The following MYO18A variants were observed in gnomAD, a reference collection of about 807,000 sequenced individuals.
MYO18A encodes the protein unconventional myosin-XVIIIa.
A neutral mutation model predicts 235.8 loss-of-function variants in MYO18A; 78 were observed. The observed-to-expected ratio is 0.33, with a 90% CI of 0.28 to 0.40. MYO18A has a LOEUF of 0.40. Among genes scored for constraint, MYO18A ranks in the 10% least tolerant of loss-of-function variants. MYO18A has a pLI of 1.00. For missense variants in MYO18A, 2,215 were observed against 2,699.3 expected, an observed-to-expected ratio of 0.82 and a Z score of 3.98; for synonymous variants, 977 against 1,077.8, an observed-to-expected ratio of 0.91 and a Z score of 1.83.
chr17:29,114,222 C>T (rs752202807), intron 14 of MYO18A, 125 bp from the exon 15 acceptor site: 1 of 674,376 alleles, frequency 1.5e-6, no homozygotes, highest in Non-Finnish European at 2.6e-6. Context: ...TGCAGGAGCT[C>T]CCTCCATCAT....
At chr17:29,087,630 T>A (rs768945398) in intron 37 of MYO18A, among the ~76,000 whole-genome samples, 10 of 152,120 alleles carry the variant, frequency 6.6e-5, no homozygotes, top group Non-Finnish European at 1.2e-4. Context: ...ATGAATCTCC[T>A]GCCAGGCAGT....
At chr17:29,119,539 G>A (rs2067148531) in intron 7 of MYO18A, 104 bp from the exon 8 acceptor site, 2 of 707,430 alleles carry the variant, frequency 2.8e-6, no homozygotes, top group Non-Finnish European at 4.5e-6. Flanking sequence ...AGGCCCTGGG[G>A]AACAAGCAGC....
chr17:29,134,035 A>T (rs2067536930), intron 2 of MYO18A: 1 of 340,224 alleles, frequency 2.9e-6, no homozygotes, highest in Non-Finnish European at 5.7e-6. Context: ...ATTAAAGGAA[A>T]ATGAAGGAAA....
At chr17:29,107,603 TAAA>T (rs35996808) in intron 19 of MYO18A, 2,002 of 102,836 alleles carry the variant, frequency 0.019, 69 homozygotes, top group African/African-American at 0.069. Flanking sequence ...CTTATGGTCT[TAAA>T]AAAAAAAAAA....
rs2067022624 is a variant in MYO18A, at chr17:29,115,027, C to A, written c.2391G>T (p.Glu797Asp). Residue 797 changes from glutamate (E) to aspartate (D), a missense_variant, in exon 14 of 42, where the codon GAG becomes GAT. Coordinates refer to ENST00000527372, the MANE Select transcript of MYO18A (RefSeq NM_078471.4). The stretch of plus-strand genomic sequence containing the variant: ...AGGCTCCGCGGGCTGACCCACCCTG[C>A]TCAGGGTTCTGGAAGCCCGGGGTGT... ...IVDTPGFQNP[E>D]QGGSARGASF... The A allele has an allele frequency of 6.2e-7, 1 of 1,614,016 alleles. No individual in the cohort carries two copies. The highest frequency in any genetic ancestry group is 8.5e-7 in the Non-Finnish European group (1 of 1,179,886).
chr17:29,109,906 G>A lies in MYO18A; in HGVS notation c.3283C>T (p.Gln1095Ter), dbSNP rs1163969577. ...LQLDVPLLRT[Q>*]LRGSRLLDAM... ...TCGAGCAGGCGGGAGCCGCGGAGCTGGGTGCGGAGCAGGGGCACGTCGAGC... is the reference window on the plus strand; with the variant it reads ...TCGAGCAGGCGGGAGCCGCGGAGCTAGGTGCGGAGCAGGGGCACGTCGAGC... The change falls in exon 19 of 42, where the codon CAG becomes TAG. Residue 1095 changes from glutamine (Q) to a stop codon, truncating the protein, a stop_gained. Transcript: ENST00000527372. LOFTEE classifies it high-confidence loss of function. The surrounding 1 kb of genome is among the most constrained non-coding windows in gnomAD (Gnocchi z 4.1). 6.3e-7 allele frequency: 1 copy of A among 1,584,372 alleles called. No individual in the cohort carries two copies. Among genetic ancestry groups the A allele is most frequent in the Non-Finnish European group, 8.6e-7 (1 of 1,165,400 alleles).
chr17:29,154,121 T>TGTGTGTGTGCGCGCGCGCGCGC (rs142430455), intron 2 of MYO18A, among the ~76,000 whole-genome samples: 1 of 149,000 alleles, frequency 6.7e-6, no homozygotes, highest in African/African-American at 2.5e-5. Context: ...TGTGTGTGTG[T>TGTGTGTGTGCGCGCGCGCGCGC]GCGCGCGCGT....
chr17:29,141,094 CTT>C (rs1478824146), intron 2 of MYO18A, among the ~76,000 whole-genome samples: 2 of 152,246 alleles, frequency 1.3e-5, no homozygotes, highest in African/African-American at 4.8e-5. Context: ...ATTACACTCT[CTT>C]TGTTTACATC....
intron 2 of MYO18A, among the ~76,000 whole-genome samples, chr17:29,144,128 A>G (rs2067799936): frequency 6.6e-6 from 1 of 152,210 alleles, no homozygotes; most frequent in African/African-American, 2.4e-5. Context: ...GTGGTGGTGC[A>G]ATATCAGGGC....
At chr17:29,177,275 C>CAGA (rs2068554954) in intron 1 of MYO18A, among the ~76,000 whole-genome samples, 1 of 152,154 alleles carries the variant, frequency 6.6e-6, no homozygotes, top group Non-Finnish European at 1.5e-5. Context: ...AGAGAATAAT[C>CAGA]ACAATAATCT....
intron 1 of MYO18A, among the ~76,000 whole-genome samples, chr17:29,172,919 C>G (rs2068437436): frequency 6.6e-6 from 1 of 152,098 alleles, no homozygotes; most frequent in Non-Finnish European, 1.5e-5. Flanking sequence ...TATTCAGCCT[C>G]CATAACATTC....
At chr17:29,110,673 G>A in intron 17 of MYO18A, 51 bp from the exon 18 acceptor site, 3 of 1,543,306 alleles carry the variant, frequency 1.9e-6, no homozygotes, top group Non-Finnish European at 2.6e-6. Context: ...TCGATGGAGC[G>A]GGAAAGGCCG....
At chr17:29,156,607 C>T (rs889272829) in intron 2 of MYO18A, among the ~76,000 whole-genome samples, 1 of 152,248 alleles carries the variant, frequency 6.6e-6, no homozygotes, top group Non-Finnish European at 1.5e-5. Context: ...GAAGACCGAA[C>T]AGAGAGAATG....
At chr17:29,114,323 T>G in intron 14 of MYO18A, 1 of 531,790 alleles carries the variant, frequency 1.9e-6, no homozygotes, top group Non-Finnish European at 3.4e-6. Flanking sequence ...CAGAGTCACA[T>G]TCTCATTACT....
intron 1 of MYO18A, among the ~76,000 whole-genome samples, chr17:29,172,754 T>C (rs1197408015): frequency 1.3e-5 from 2 of 152,118 alleles, no homozygotes; most frequent in Non-Finnish European, 2.9e-5. Flanking sequence ...ACATGGAAAG[T>C]AAAGCCCAAA....
chr17:29,133,759 C>G, intron 2 of MYO18A: 3 of 1,278,790 alleles, frequency 2.3e-6, no homozygotes, highest in Non-Finnish European at 3.1e-6. Context: ...ACATGCCAAG[C>G]ACACAGGAAA....
Position 29,117,966 on chromosome 17 carries a change from G to C in MYO18A, c.2038+79C>G, listed in dbSNP as rs2067112271. On this transcript the variant is annotated intron_variant, in intron 10 of 41. Coordinates refer to ENST00000527372, the MANE Select transcript of MYO18A (RefSeq NM_078471.4). This position sits in a 1 kb window ranked among gnomAD's most constrained non-coding sequence, Gnocchi z 4.6. ...GAACGGCTAAGTCTGTGCTGGGCAAGAATAAACTGGGAGTGGGCAGGGTCC... is the reference window on the plus strand; with the variant it reads ...GAACGGCTAAGTCTGTGCTGGGCAACAATAAACTGGGAGTGGGCAGGGTCC... 6.7e-7 allele frequency: 1 copy of C among 1,484,188 alleles called. No individual in the cohort carries two copies. The highest frequency in any genetic ancestry group is 9.1e-7 in the Non-Finnish European group (1 of 1,098,588). 91.9% of individuals were successfully genotyped at this position (1,484,188 alleles called of 1,614,324 possible).
intron 12 of MYO18A, 81 bp from the exon 13 acceptor site, chr17:29,115,522 A>C: frequency 6.6e-7 from 1 of 1,516,590 alleles, no homozygotes; most frequent in Non-Finnish European, 9.0e-7. Flanking sequence ...CCCAGGGCCC[A>C]GTCAGCACGG....
intron 39 of MYO18A, among the ~76,000 whole-genome samples, chr17:29,086,124 C>T (rs189976319): frequency 6.8e-4 from 103 of 152,386 alleles, no homozygotes; most frequent in African/African-American, 2.4e-3. Flanking sequence ...TAAATCTCTG[C>T]TCTCCCCAGA....
Sources: gnomAD v4.1 joint callset for allele counts (sites outside exome capture counted in the v4.1 genomes callset) on GRCh38, gnomAD v4.1.1 for gene constraint, Gnocchi (gnomAD v3.1) non-coding constraint, MANE v1.5 for transcripts, NCBI Gene and HGNC (gene_info 2026-07-23, HGNC 2026-07-21) for gene names.